The following PCDH15 variants were observed in gnomAD, a reference collection of about 807,000 sequenced individuals.
PCDH15 encodes protocadherin-15.
PCDH15 carries 129 observed loss-of-function variants against 178.5 expected under a neutral mutation model. That is an observed-to-expected ratio of 0.72 (90% CI 0.63 to 0.84). The LOEUF (loss-of-function observed/expected upper bound fraction) is 0.84, where lower values mean the gene tolerates loss of function less well. Among genes scored for constraint, PCDH15 ranks in the 40% least tolerant of loss-of-function variants. The pLI is 0.00. For missense variants in PCDH15, 2,230 were observed against 2,099.9 expected (o/e 1.06, Z -1.21); for synonymous variants, 800 against 732.0 (o/e 1.09, Z -1.50).
chr10:54,410,341 C>G (rs1565201446), intron 3 of PCDH15, among the ~76,000 whole-genome samples: 1 of 152,060 alleles, frequency 6.6e-6, no homozygotes, highest in South Asian at 2.1e-4. Flanking sequence ...ATTTACCTTT[C>G]CTAAAGAACA....
intron 6 of PCDH15, 50 bp downstream of exon 6, chr10:54,346,315 T>A (rs758916323): frequency 1.3e-6 from 2 of 1,571,450 alleles, no homozygotes; most frequent in Non-Finnish European, 1.7e-6. Flanking sequence ...AAAAAATCAT[T>A]AATTTTATTC....
chr10:54,740,531 T>C (rs574843280), intron 1 of PCDH15, among the ~76,000 whole-genome samples: 85 of 151,742 alleles, frequency 5.6e-4, no homozygotes, highest in Middle Eastern at 6.8e-3. Context: ...TTGGTGTATG[T>C]CCAAAAAAAG....
At chr10:54,916,530 G>A (rs1387272141) in intron 2 of PCDH15, among the ~76,000 whole-genome samples, 1 of 152,036 alleles carries the variant, frequency 6.6e-6, no homozygotes, top group East Asian at 1.9e-4. Context: ...GGGGTGATTT[G>A]TTTAAAACAA....
At chr10:55,350,228 C>CATATATATATATATATATATATAT (rs869240598) in intron 2 of PCDH15, among the ~76,000 whole-genome samples, 2 of 73,442 alleles carry the variant, frequency 2.7e-5, no homozygotes, top group African/African-American at 4.3e-5. Flanking sequence ...TATATAAACT[C>CATATATATATATATATATATATAT]ATATATATAT....
intron 1 of PCDH15, among the ~76,000 whole-genome samples, chr10:55,207,311 C>T (rs1340592747): frequency 1.3e-5 from 2 of 152,032 alleles, no homozygotes; most frequent in Non-Finnish European, 2.9e-5. Flanking sequence ...TTACATTACA[C>T]TCTCCCCTAA....
chr10:54,830,675 G>T (rs946312525), intron 3 of PCDH15, among the ~76,000 whole-genome samples: 1 of 151,438 alleles, frequency 6.6e-6, no homozygotes, highest in Admixed American at 6.6e-5. Context: ...CATGGCACAT[G>T]TATACATATG....
At chr10:54,020,986 C>G (rs139825421) in intron 19 of PCDH15, among the ~76,000 whole-genome samples, 1 of 152,094 alleles carries the variant, frequency 6.6e-6, no homozygotes. Context: ...TTTGATTTAA[C>G]TAGGATTTGA....
intron 3 of PCDH15, among the ~76,000 whole-genome samples, chr10:54,527,552 T>C (rs2083472251): frequency 1.3e-5 from 2 of 152,124 alleles, no homozygotes; most frequent in African/African-American, 4.8e-5. Flanking sequence ...GATGCATTCT[T>C]GAGATGACTC....
At chr10:54,318,126 A>G (rs1014863313) in intron 7 of PCDH15, among the ~76,000 whole-genome samples, 1 of 152,198 alleles carries the variant, frequency 6.6e-6, no homozygotes, top group African/African-American at 2.4e-5. Context: ...AACCAGGCCC[A>G]TCTTTTTCAT....
At chr10:55,000,700 T>C (rs982661712) in intron 2 of PCDH15, among the ~76,000 whole-genome samples, 1 of 152,192 alleles carries the variant, frequency 6.6e-6, no homozygotes, top group Non-Finnish European at 1.5e-5. Context: ...TAAGAAATTA[T>C]AAAAGTATTA....
intron 16 of PCDH15, among the ~76,000 whole-genome samples, chr10:54,079,677 C>T (rs774440219): frequency 1.3e-5 from 2 of 152,104 alleles, no homozygotes; most frequent in Non-Finnish European, 2.9e-5. Context: ...CAAAACATAA[C>T]AAAACTGTGC....
At chr10:54,799,295 G>C (rs1952389738) in intron 1 of PCDH15, among the ~76,000 whole-genome samples, 1 of 151,982 alleles carries the variant, frequency 6.6e-6, no homozygotes, top group Non-Finnish European at 1.5e-5. Flanking sequence ...CACATACCAT[G>C]CAAAATTTAA....
chr10:54,887,013 G>T (rs551442641), intron 3 of PCDH15, among the ~76,000 whole-genome samples: 1 of 152,214 alleles, frequency 6.6e-6, no homozygotes, highest in African/African-American at 2.4e-5. Flanking sequence ...GTTAGTTTGG[G>T]ATAGCAAAGA....
At chr10:53,850,094 G>A (rs545285354) in intron 28 of PCDH15, among the ~76,000 whole-genome samples, 3 of 151,894 alleles carry the variant, frequency 2.0e-5, no homozygotes, top group Non-Finnish European at 4.4e-5. Flanking sequence ...AAGAATCCAC[G>A]TAAAATAAAA....
chr10:54,037,988 G>A (rs2093456891), intron 18 of PCDH15, among the ~76,000 whole-genome samples: 1 of 151,854 alleles, frequency 6.6e-6, no homozygotes, highest in Non-Finnish European at 1.5e-5. Flanking sequence ...ATACTGAGAA[G>A]TCATAAAACC....
At chr10:54,671,865 C>T (rs917717516) in intron 1 of PCDH15, among the ~76,000 whole-genome samples, 6 of 152,106 alleles carry the variant, frequency 3.9e-5, no homozygotes, top group Admixed American at 1.3e-4. Context: ...GGGTTCAGTA[C>T]TGGTCCATGG....
At chr10:55,279,492 T>G (rs982253805) in intron 1 of PCDH15, among the ~76,000 whole-genome samples, 1 of 152,296 alleles carries the variant, frequency 6.6e-6, no homozygotes, top group African/African-American at 2.4e-5. Context: ...CTGATTAGGC[T>G]GACTTGATAA....
chr10:54,111,227 AAAC>A (rs1166096323), intron 15 of PCDH15, among the ~76,000 whole-genome samples: 10 of 152,230 alleles, frequency 6.6e-5, no homozygotes, highest in Non-Finnish European at 1.2e-4. Context: ...TTTATTTACA[AAAC>A]AACACAGTGA....
At chr10:53,915,404 T>C (rs1188074318) in intron 25 of PCDH15, among the ~76,000 whole-genome samples, 1 of 152,236 alleles carries the variant, frequency 6.6e-6, no homozygotes, top group Non-Finnish European at 1.5e-5. Flanking sequence ...TTCATTTCAA[T>C]AGTTTTCAAA....
Sources: allele counts gnomAD v4.1 joint callset (sites outside exome capture counted in the v4.1 genomes callset), GRCh38; gene constraint gnomAD v4.1.1; transcripts MANE v1.5; gene names NCBI Gene and HGNC (gene_info 2026-07-23, HGNC 2026-07-21).